Variants in ZNF804A observed in about 807,000 individuals in gnomAD.
The protein encoded by ZNF804A is zinc finger protein 804A.
ZNF804A carries 2 observed loss-of-function variants against 16.5 expected under a neutral mutation model. The observed-to-expected ratio is 0.12, with a 90% CI of 0.05 to 0.38. ZNF804A has a LOEUF of 0.38. Among genes scored for constraint, ZNF804A ranks in the 10% least tolerant of loss-of-function variants. ZNF804A has a pLI of 0.99. For missense variants in ZNF804A, 1,473 were observed against 1,390.7 expected (o/e 1.06, Z -0.94); for synonymous variants, 534 against 489.6 (o/e 1.09, Z -1.20).
chr2:184,901,925 C>T (rs1490863403), intron 2 of ZNF804A, among the ~76,000 whole-genome samples: 1 of 151,852 alleles, frequency 6.6e-6, no homozygotes, highest in African/African-American at 2.4e-5. Context: ...TTCTTATTTT[C>T]CATTTGTATA....
intron 1 of ZNF804A, among the ~76,000 whole-genome samples, chr2:184,650,704 A>G (rs890309709): frequency 6.6e-6 from 1 of 152,096 alleles, no homozygotes; most frequent in African/African-American, 2.4e-5. Context: ...GAAACAAAAC[A>G]AAACAAAGAA....
At chr2:184,745,679 A>C (rs1693779950) in intron 1 of ZNF804A, among the ~76,000 whole-genome samples, 1 of 151,554 alleles carries the variant, frequency 6.6e-6, no homozygotes, top group Non-Finnish European at 1.5e-5. Flanking sequence ...TCCCATTTTT[A>C]GAATATTTTA....
intron 2 of ZNF804A, among the ~76,000 whole-genome samples, chr2:184,916,465 T>C (rs1391064862): frequency 1.3e-5 from 2 of 152,090 alleles, no homozygotes; most frequent in Non-Finnish European, 2.9e-5. Flanking sequence ...TCTAAAAATA[T>C]AAAGAGAATT....
intron 2 of ZNF804A, among the ~76,000 whole-genome samples, chr2:184,916,520 C>T (rs1490115231): frequency 6.6e-6 from 1 of 152,124 alleles, no homozygotes. Flanking sequence ...GATAAGATTA[C>T]ATTCAACTGT....
chr2:184,625,781 A>T (rs926179157), intron 1 of ZNF804A, among the ~76,000 whole-genome samples: 7 of 152,222 alleles, frequency 4.6e-5, no homozygotes, highest in African/African-American at 1.7e-4. Context: ...ATTTAAATAG[A>T]TGTTTTGAAC....
At chr2:184,705,484 C>T (rs7590754) in intron 1 of ZNF804A, among the ~76,000 whole-genome samples, 10,933 of 152,122 alleles carry the variant, frequency 0.072, 1,325 homozygotes, top group African/African-American at 0.25. Context: ...AATATATTCT[C>T]ATTTTCATAT....
Position 184,763,630 on chromosome 2 carries a change from C to CTTTTTTTT in ZNF804A, c.112-102714_112-102707dup, listed in dbSNP as rs1188087789. Among the ~76,000 whole-genome samples, 9 of 21,272 alleles carry CTTTTTTTT rather than the reference C, an allele frequency of 4.2e-4. 1 individual carries two copies. Among genetic ancestry groups the CTTTTTTTT allele is most frequent in the Non-Finnish European group, 6.2e-4 (8 of 12,840 alleles). The allele number at this position is 21,272 out of a possible 152,430, so 14.0% of individuals were successfully genotyped here. On this transcript the variant is annotated intron_variant, in intron 1 of 3. Transcript: ENST00000302277. ...TGCTTTACTTTTTTTCTTCAAAGTG[C>CTTTTTTTT]TTTTTTTTTTTTTTTTTTTTTTTTT...
chr2:184,923,273 G>C (rs1295417777), intron 2 of ZNF804A, among the ~76,000 whole-genome samples: 2 of 151,484 alleles, frequency 1.3e-5, no homozygotes, highest in Non-Finnish European at 3.0e-5. Flanking sequence ...TTACTTCTTT[G>C]GTTAAGTCTG....
At position 184,937,146 on chromosome 2, in the gene ZNF804A, G is replaced by A. The variant is rs1481589136; in HGVS notation, c.1750G>A (p.Glu584Lys). ...DEKYNKIRLK[E>K]THEYWFHKSR... is the part of the protein sequence containing the mutation. The stretch of plus-strand genomic sequence containing the variant: ...AAAATACAACAAAATAAGGTTGAAA[G>A]AGACCCATGAATACTGGTTCCATAA... The change falls in exon 4 of 4, where the codon GAG becomes AAG. Residue 584 changes from glutamate (E) to lysine (K), a missense_variant. Transcript: ENST00000302277. 1.2e-6 allele frequency: 2 copies of A among 1,604,542 alleles called. No homozygotes were observed. Among genetic ancestry groups the A allele is most frequent in the African/African-American group, 2.7e-5 (2 of 73,912 alleles).
In ZNF804A at chr2:184,630,003, T is replaced by A. The variant is rs1189514240; in HGVS notation, c.111+30933T>A. 2.6e-5 allele frequency among the ~76,000 whole-genome samples: 4 copies of A among 152,250 alleles called. No individual in the cohort carries two copies. The East Asian group carries it at 5.8e-4, about 22-fold the overall frequency. ...TAATAAAAAATAGGTTTTCAAGCCATCTCTGGTTAAAATAATGACTTTAAA... is the reference window on the plus strand; with the variant it reads ...TAATAAAAAATAGGTTTTCAAGCCAACTCTGGTTAAAATAATGACTTTAAA... On this transcript the variant is annotated intron_variant, in intron 1 of 3. Coordinates refer to ENST00000302277, the MANE Select transcript of ZNF804A (RefSeq NM_194250.2).
chr2:184,903,993 T>C (rs934649346), intron 2 of ZNF804A, among the ~76,000 whole-genome samples: 1 of 152,072 alleles, frequency 6.6e-6, no homozygotes, highest in Non-Finnish European at 1.5e-5. Flanking sequence ...AAAAAAACCC[T>C]GTTAGAGCTA....
At chr2:184,626,924 C>T (rs1448183899) in intron 1 of ZNF804A, among the ~76,000 whole-genome samples, 4 of 152,170 alleles carry the variant, frequency 2.6e-5, no homozygotes, top group East Asian at 1.9e-4. Flanking sequence ...CACGTAACAG[C>T]AGAAATGGAG....
chr2:184,809,041 G>A (rs1200149752), intron 1 of ZNF804A, among the ~76,000 whole-genome samples: 1 of 151,642 alleles, frequency 6.6e-6, no homozygotes, highest in African/African-American at 2.4e-5. Flanking sequence ...AAAATTTTTT[G>A]TATCTATACC....
rs138940305 is a variant in ZNF804A, at chr2:184,742,847, C to T, written c.112-123522C>T. Among the ~76,000 whole-genome samples, 503 of 151,628 alleles carry T rather than the reference C, an allele frequency of 3.3e-3. 5 individuals are homozygous for T. The highest frequency in any genetic ancestry group is 0.012 in the African/African-American group (479 of 41,374). On this transcript the variant is annotated intron_variant, in intron 1 of 3. Transcript: ENST00000302277. Reference sequence around the variant, plus strand: ...ATTATATAGCTTCCAACTTCTAAGACGTAGGAGTCTAATAGGAACAGATCT... The same window carrying T: ...ATTATATAGCTTCCAACTTCTAAGATGTAGGAGTCTAATAGGAACAGATCT...
Position 184,938,764 on chromosome 2 carries a change from A to C in ZNF804A, c.3368A>C (p.Lys1123Thr). ...AAAAAAAGTF[K>T]VLQPHQQFLS... Reference sequence around the variant, plus strand: ...GCAGCCGCAGCTGCAGGAACCTTTAAAGTGCTTCAGCCACACCAACAGTTT... The same window carrying C: ...GCAGCCGCAGCTGCAGGAACCTTTACAGTGCTTCAGCCACACCAACAGTTT... Residue 1123 changes from lysine to threonine, a missense_variant, in exon 4 of 4, where the codon AAA becomes ACA. Lys to Thr is a moderately conservative substitution (Grantham distance 78, BLOSUM62 -1). Transcript: ENST00000302277. The C allele has an allele frequency of 6.2e-7, 1 of 1,613,222 alleles. No individual in the cohort carries two copies. Among genetic ancestry groups the C allele is most frequent in the Non-Finnish European group, 8.5e-7 (1 of 1,179,690 alleles).
chr2:184,781,271 G>C (rs1694367186), intron 1 of ZNF804A, among the ~76,000 whole-genome samples: 1 of 151,718 alleles, frequency 6.6e-6, no homozygotes, highest in Non-Finnish European at 1.5e-5. Context: ...AATGGGCCAA[G>C]AAAAGCTGCT....
Position 184,754,494 on chromosome 2 carries a change from T to C in ZNF804A, c.112-111875T>C, listed in dbSNP as rs79036317. On this transcript the variant is annotated intron_variant, in intron 1 of 3. Transcript: ENST00000302277. ...CATATGTGCTATTCATGAGCACATA[T>C]TCATAGGTTCAAGTCATTCCCTATT... Among the ~76,000 whole-genome samples, 6 of 152,086 alleles carry C rather than the reference T, an allele frequency of 3.9e-5. No homozygotes were observed. The East Asian group carries it at 1.2e-3, about 30-fold the overall frequency.
At chr2:184,772,464 G>T (rs1441741285) in intron 1 of ZNF804A, among the ~76,000 whole-genome samples, 1 of 151,876 alleles carries the variant, frequency 6.6e-6, no homozygotes, top group Non-Finnish European at 1.5e-5. Flanking sequence ...ATATCATTAT[G>T]TCACTCTTTT....
chr2:184,632,060 C>T (rs1691620260), intron 1 of ZNF804A, among the ~76,000 whole-genome samples: 2 of 151,828 alleles, frequency 1.3e-5, no homozygotes, highest in Non-Finnish European at 2.9e-5. Flanking sequence ...AACGGAATGT[C>T]AGACTTGATA....
Sources: allele counts gnomAD v4.1 joint callset (sites outside exome capture counted in the v4.1 genomes callset), GRCh38; gene constraint gnomAD v4.1.1; transcripts MANE v1.5; gene names NCBI Gene and HGNC (gene_info 2026-07-23, HGNC 2026-07-21).